The following MYLK4 variants were observed in gnomAD, a reference collection of about 807,000 sequenced individuals.
MYLK4 encodes caMLCK like.
MYLK4 carries 46 observed loss-of-function variants against 48.1 expected under a neutral mutation model. That is an observed-to-expected ratio of 0.96 (90% CI 0.75 to 1.22). The LOEUF (loss-of-function observed/expected upper bound fraction) is 1.22, where lower values mean the gene tolerates loss of function less well. Among genes scored for constraint, MYLK4 ranks in the 50% most tolerant of loss-of-function variants. The pLI, the probability that MYLK4 is intolerant of heterozygous loss-of-function variation, is 0.00. For missense variants in MYLK4, 451 were observed against 486.1 expected (o/e 0.93, Z 0.68); for synonymous variants, 170 against 180.8 (o/e 0.94, Z 0.48).
chr6:2,723,565 C>T (rs1763144559), intron 2 of MYLK4, among the ~76,000 whole-genome samples: 1 of 152,238 alleles, frequency 6.6e-6, no homozygotes. Flanking sequence ...CCAGGGTCTG[C>T]GTTTGCTCTT....
At chr6:2,704,002 C>T (rs1762398004) in intron 2 of MYLK4, among the ~76,000 whole-genome samples, 1 of 152,176 alleles carries the variant, frequency 6.6e-6, no homozygotes, top group South Asian at 2.1e-4. Flanking sequence ...GAGGAGTCCA[C>T]CTTCTCTCTG....
At chr6:2,693,347 TG>T (rs1298788480) in intron 2 of MYLK4, among the ~76,000 whole-genome samples, 3 of 152,240 alleles carry the variant, frequency 2.0e-5, no homozygotes, top group Non-Finnish European at 4.4e-5. Context: ...TGTCTTGATA[TG>T]GTTGACATAT....
At chr6:2,680,401 T>C in intron 7 of MYLK4, 110 bp from the exon 8 acceptor site, 3 of 1,572,806 alleles carry the variant, frequency 1.9e-6, no homozygotes, top group Non-Finnish European at 2.6e-6. Flanking sequence ...ATATCAGGCC[T>C]TTCACTTCGG....
chr6:2,708,737 G>A (rs141962552), intron 2 of MYLK4, among the ~76,000 whole-genome samples: 28 of 152,206 alleles, frequency 1.8e-4, no homozygotes, highest in Admixed American at 3.9e-4. Context: ...AAGAAACATC[G>A]TTTCTTCAAG....
At chr6:2,697,512 T>G (rs1445608292) in intron 2 of MYLK4, among the ~76,000 whole-genome samples, 1 of 152,242 alleles carries the variant, frequency 6.6e-6, no homozygotes, top group Non-Finnish European at 1.5e-5. Context: ...GCCGGCTACC[T>G]GGGCATGAGT....
At chr6:2,682,562 A>T (rs1761351410) in intron 7 of MYLK4, among the ~76,000 whole-genome samples, 1 of 152,164 alleles carries the variant, frequency 6.6e-6, no homozygotes, top group South Asian at 2.1e-4. Context: ...CAGGGCAGCA[A>T]ACCCACAGAA....
the MYLK4 span, among the ~76,000 whole-genome samples, chr6:2,768,419 C>T: frequency 6.6e-6 from 1 of 152,150 alleles, no homozygotes; most frequent in African/African-American, 2.4e-5. Flanking sequence ...TAAAGAGTCA[C>T]CCAAAAAGGA....
At chr6:2,766,284 T>C in the MYLK4 span, 1 of 1,593,182 alleles carries the variant, frequency 6.3e-7, no homozygotes, top group South Asian at 1.1e-5. Context: ...ATCCGACAGA[T>C]GCTACAGGGC....
chr6:2,696,697 G>A (rs1762073527), intron 2 of MYLK4, among the ~76,000 whole-genome samples: 1 of 152,230 alleles, frequency 6.6e-6, no homozygotes, highest in Non-Finnish European at 1.5e-5. Context: ...TTTTACATAT[G>A]TTTTTAAAAA....
chr6:2,751,099 A>G (rs1344342026), upstream of MYLK4: 1 of 152,628 alleles, frequency 6.6e-6, no homozygotes. Context: ...ACTGGATGAA[A>G]TATCACCTTC....
chr6:2,728,422 AAAC>A (rs1763362300), intron 2 of MYLK4, among the ~76,000 whole-genome samples: 1 of 151,890 alleles, frequency 6.6e-6, no homozygotes. Flanking sequence ...AAAAAAAACA[AAAC>A]AGTCTGATGA....
chr6:2,749,526 T>C, intron 1 of MYLK4, 120 bp from the exon 2 acceptor site: 1 of 364,254 alleles, frequency 2.7e-6, no homozygotes, highest in South Asian at 9.7e-5. Flanking sequence ...GGATCCAAAA[T>C]CAGGAAAAGA....
chr6:2,668,125 CTTTTA>C (rs1760733258), intron 12 of MYLK4, among the ~76,000 whole-genome samples: 1 of 150,562 alleles, frequency 6.6e-6, no homozygotes, highest in Non-Finnish European at 1.5e-5. Flanking sequence ...TTCTTTCCAA[CTTTTA>C]TTTTAGGTTC....
the MYLK4 span, among the ~76,000 whole-genome samples, chr6:2,762,580 G>C: frequency 6.6e-6 from 1 of 152,188 alleles, no homozygotes; most frequent in Non-Finnish European, 1.5e-5. Context: ...ACCTTGCTTT[G>C]AGATCAGCCC....
intron 2 of MYLK4, among the ~76,000 whole-genome samples, chr6:2,737,735 A>G (rs1763731533): frequency 6.6e-6 from 1 of 152,142 alleles, no homozygotes; most frequent in Non-Finnish European, 1.5e-5. Flanking sequence ...TTAAGTGTGG[A>G]AAGACATGAA....
intron 7 of MYLK4, 34 bp downstream of exon 7, chr6:2,682,977 AGCTGGGAAGG>A (rs1561836164): frequency 6.2e-7 from 1 of 1,612,862 alleles, no homozygotes; most frequent in Non-Finnish European, 8.5e-7. Context: ...ACTGTGCAAG[AGCTGGGAAGG>A]GCTTACGTCT....
At chr6:2,683,194 C>T in intron 6 of MYLK4, 32 bp from the exon 7 acceptor site, 2 of 1,613,214 alleles carry the variant, frequency 1.2e-6, no homozygotes, top group Non-Finnish European at 1.7e-6. Context: ...AACCCTCAGT[C>T]CCGATTTCCT....
chr6:2,678,128 T>C (rs891361204), intron 10 of MYLK4, 92 bp downstream of exon 10: 12 of 1,461,332 alleles, frequency 8.2e-6, no homozygotes, highest in Non-Finnish European at 1.1e-5. Flanking sequence ...TCACAGATGT[T>C]AGTAAGAGAA....
intron 12 of MYLK4, among the ~76,000 whole-genome samples, chr6:2,669,592 C>A (rs1283550089): frequency 1.3e-5 from 2 of 152,232 alleles, no homozygotes; most frequent in East Asian, 3.9e-4. Context: ...AAAACTGCTT[C>A]TGGGGGTGAG....
Sources: gnomAD v4.1 joint callset for allele counts (sites outside exome capture counted in the v4.1 genomes callset) on GRCh38, gnomAD v4.1.1 for gene constraint, MANE v1.5 for transcripts, NCBI Gene and HGNC (gene_info 2026-07-23, HGNC 2026-07-21) for gene names.